The following FBLN7 variants were observed in gnomAD, a reference collection of about 807,000 sequenced individuals.
FBLN7 encodes fibulin 7, also known as fibulin-7.
FBLN7 carries 31 observed loss-of-function variants against 44.0 expected under a neutral mutation model. That is an observed-to-expected ratio of 0.70 (90% CI 0.53 to 0.95). FBLN7 has a LOEUF of 0.95. FBLN7 is among the 40% of genes least tolerant of loss of function. The pLI is 0.00. For missense variants in FBLN7, 573 were observed against 618.5 expected, an observed-to-expected ratio of 0.93 and a Z score of 0.78; for synonymous variants, 262 against 253.4, an observed-to-expected ratio of 1.03 and a Z score of -0.32.
chr2:112,163,438 G>C (rs2104571850), intron 2 of FBLN7, among the ~76,000 whole-genome samples: 1 of 152,338 alleles, frequency 6.6e-6, no homozygotes, highest in East Asian at 1.9e-4. Context: ...ATGCATTTTA[G>C]AAGTGGCTCT....
At chr2:112,194,915 A>G in the FBLN7 span, among the ~76,000 whole-genome samples, 12 of 152,340 alleles carry the variant, frequency 7.9e-5, no homozygotes, top group South Asian at 6.2e-4. Context: ...ACTTTGAACA[A>G]TGGTAGAAAC....
At chr2:112,236,148 C>T in the FBLN7 span, among the ~76,000 whole-genome samples, 1 of 152,010 alleles carries the variant, frequency 6.6e-6, no homozygotes, top group East Asian at 1.9e-4. Flanking sequence ...CCTGTAGTCC[C>T]AGCTACTCAG....
At chr2:112,200,703 GC>G in the FBLN7 span, among the ~76,000 whole-genome samples, 1 of 151,958 alleles carries the variant, frequency 6.6e-6, no homozygotes, top group East Asian at 1.9e-4. Flanking sequence ...GCTAATTTTT[GC>G]ATTTTTAGTA....
chr2:112,144,255 G>A (rs569492917), intron 1 of FBLN7, among the ~76,000 whole-genome samples: 13 of 152,238 alleles, frequency 8.5e-5, no homozygotes, highest in South Asian at 2.1e-4. Flanking sequence ...CCAAATAGAC[G>A]ATTTTAATGA....
In FBLN7 at chr2:112,138,552, G is replaced by A; in HGVS notation, c.-104G>A. On this transcript the variant is annotated 5_prime_UTR_variant, in exon 1 of 8. Transcript: ENST00000331203. ...TGCCCCAGCCGCCCCCCGGCCGCGC[G>A]GCGCCCCGCACCCTGCAGGGACGGC... The A allele has an allele frequency of 7.0e-7, 1 of 1,435,822 alleles. No individual in the cohort carries two copies. The highest frequency in any genetic ancestry group is 9.3e-7 in the Non-Finnish European group (1 of 1,071,312). 88.9% of individuals were successfully genotyped at this position (1,435,822 alleles called of 1,614,324 possible).
the FBLN7 span, among the ~76,000 whole-genome samples, chr2:112,205,027 T>C: frequency 2.0e-5 from 3 of 152,148 alleles, no homozygotes; most frequent in South Asian, 2.1e-4. Flanking sequence ...TTAATTGGTA[T>C]AAATAAAATA....
the FBLN7 span, among the ~76,000 whole-genome samples, chr2:112,233,728 G>A: frequency 6.6e-6 from 1 of 152,204 alleles, no homozygotes; most frequent in Non-Finnish European, 1.5e-5. Context: ...AATTAGCTGG[G>A]TGTGGTGGCT....
the FBLN7 span, among the ~76,000 whole-genome samples, chr2:112,227,449 C>G: frequency 6.6e-6 from 1 of 152,182 alleles, no homozygotes; most frequent in Non-Finnish European, 1.5e-5. Context: ...CACCTGAACC[C>G]GCAAGGCCGC....
intron 1 of FBLN7, among the ~76,000 whole-genome samples, chr2:112,145,498 A>G (rs1680861053): frequency 6.6e-6 from 1 of 152,166 alleles, no homozygotes; most frequent in Non-Finnish European, 1.5e-5. Flanking sequence ...GTGAGTTATA[A>G]ATATTTTCTC....
intron 2 of FBLN7, among the ~76,000 whole-genome samples, chr2:112,164,379 T>C (rs12620229): frequency 0.3 from 45,542 of 152,126 alleles, 8,219 homozygotes; most frequent in Middle Eastern, 0.56. Flanking sequence ...ACTGACCGCA[T>C]ATCTAGAAAG....
intron 3 of FBLN7, among the ~76,000 whole-genome samples, chr2:112,172,048 C>T (rs1187831213): frequency 1.3e-5 from 2 of 152,222 alleles, no homozygotes; most frequent in African/African-American, 4.8e-5. Flanking sequence ...CCGCACCCGA[C>T]CATTAAGCAT....
At chr2:112,160,773 G>GACGCACACGCACGCACACGCGCACACGC (rs1681790765) in intron 2 of FBLN7, among the ~76,000 whole-genome samples, 2 of 22,070 alleles carry the variant, frequency 9.1e-5, no homozygotes, top group Non-Finnish European at 2.1e-4. Context: ...CGCACACGCA[G>GACGCACACGCACGCACACGCGCACACGC]ACGCACACGC....
chr2:112,146,298 G>A (rs1202142437), intron 1 of FBLN7, among the ~76,000 whole-genome samples: 1 of 152,208 alleles, frequency 6.6e-6, no homozygotes, highest in African/African-American at 2.4e-5. Flanking sequence ...TGGCACTCCA[G>A]CCTGGGCAAC....
At chr2:112,176,722 C>G (rs745645197) in intron 4 of FBLN7, 1 of 152,230 alleles carries the variant, frequency 6.6e-6, no homozygotes, top group African/African-American at 2.4e-5. Context: ...GCTGTCCTCC[C>G]GAGCTCAGAG....
chr2:112,158,696 C>T (rs1320395643), intron 1 of FBLN7, among the ~76,000 whole-genome samples: 1 of 152,114 alleles, frequency 6.6e-6, no homozygotes, highest in Non-Finnish European at 1.5e-5. Context: ...GGCTCAGCCT[C>T]CCAAAGTGCT....
chr2:112,145,757 A>T (rs564244361), intron 1 of FBLN7, among the ~76,000 whole-genome samples: 1 of 152,304 alleles, frequency 6.6e-6, no homozygotes, highest in South Asian at 2.1e-4. Flanking sequence ...TTTCATGTGG[A>T]TATCCAATTG....
the FBLN7 span, among the ~76,000 whole-genome samples, chr2:112,238,893 T>C: frequency 6.6e-6 from 1 of 152,258 alleles, no homozygotes; most frequent in Admixed American, 6.5e-5. Context: ...ACATTACATT[T>C]CTGCCTTTGC....
intron 1 of FBLN7, among the ~76,000 whole-genome samples, chr2:112,157,782 T>C (rs1681508189): frequency 6.6e-6 from 1 of 152,184 alleles, no homozygotes; most frequent in African/African-American, 2.4e-5. Context: ...TTATTTTTTG[T>C]AGAGACAGGG....
chr2:112,149,443 A>G (rs1681041285), intron 1 of FBLN7, among the ~76,000 whole-genome samples: 2 of 152,156 alleles, frequency 1.3e-5, no homozygotes, highest in African/African-American at 2.4e-5. Flanking sequence ...GATGCCTTTG[A>G]AGCTGCTCCC....
Sources: gnomAD v4.1 joint callset for allele counts (sites outside exome capture counted in the v4.1 genomes callset) on GRCh38, gnomAD v4.1.1 for gene constraint, MANE v1.5 for transcripts, NCBI Gene and HGNC (gene_info 2026-07-23, HGNC 2026-07-21) for gene names.